Variants in DACH2 observed in about 807,000 individuals in gnomAD.
DACH2 encodes the protein dachshund family transcription factor 2, also known as dachshund homolog 2.
A neutral mutation model predicts 35.8 loss-of-function variants in DACH2; 17 were observed. The ratio of observed to expected loss-of-function variants is 0.48; its 90% CI spans 0.33 to 0.71. The LOEUF is 0.71. Among genes scored for constraint, DACH2 ranks in the 30% least tolerant of loss-of-function variants. DACH2 has a pLI of 0.02. For missense variants in DACH2, 469 were observed against 472.7 expected, an observed-to-expected ratio of 0.99 and a Z score of 0.07; for synonymous variants, 195 against 177.3, an observed-to-expected ratio of 1.10 and a Z score of -0.79.
At chrX:86,816,173 G>A in intron 11 of DACH2, 74 bp downstream of exon 11, 2 of 632,661 alleles carry the variant, frequency 3.2e-6, no homozygotes, top group East Asian at 3.9e-5. Flanking sequence ...GGATGAGGTG[G>A]GGATGAGCTT....
chrX:86,827,724 C>A lies in DACH2; in HGVS notation c.1751-4382C>A, dbSNP rs980888510. 2.6e-6 allele frequency: 3 copies of A among 1,135,545 alleles called. No homozygotes were observed. In the East Asian group the frequency reaches 9.8e-5, roughly 37 times the overall value. 93.6% of individuals were successfully genotyped at this position (1,135,545 alleles called of 1,213,427 possible). A position where few individuals can be genotyped will look rare whatever the true frequency, so the allele number is the denominator to read the frequency against. On this transcript the variant is annotated intron_variant, in intron 11 of 11. Transcript: ENST00000373125. ...GAGTAGATTTTGAATTTTCTTTGTTCGAATGAAATTTTGACCAGGTCTTAT... is the reference window on the plus strand; with the variant it reads ...GAGTAGATTTTGAATTTTCTTTGTTAGAATGAAATTTTGACCAGGTCTTAT...
At chrX:86,419,002 C>T (rs2036755695) in intron 2 of DACH2, among the ~76,000 whole-genome samples, 1 of 111,837 alleles carries the variant, frequency 8.9e-6, no homozygotes, top group African/African-American at 3.3e-5. Flanking sequence ...TTTGCTAAAA[C>T]ATAACAAGGG....
At chrX:86,824,608 T>C (rs2042545261) in intron 11 of DACH2, among the ~76,000 whole-genome samples, 2 of 112,223 alleles carry the variant, frequency 1.8e-5, no homozygotes, top group South Asian at 3.7e-4. Context: ...CTGATAAATG[T>C]CCATGAAATC....
intron 7 of DACH2, among the ~76,000 whole-genome samples, chrX:86,795,501 G>A (rs1052709049): frequency 2.7e-5 from 3 of 111,668 alleles, no homozygotes; most frequent in Non-Finnish European, 5.6e-5. Context: ...CCAAAGTGCT[G>A]GGATTACAGG....
At chrX:86,254,162 A>G (rs917208233) in intron 1 of DACH2, among the ~76,000 whole-genome samples, 3 of 111,757 alleles carry the variant, frequency 2.7e-5, no homozygotes, top group Non-Finnish European at 5.7e-5. Context: ...ATTTTAGATC[A>G]TAGGGAAATT....
At chrX:86,787,409 G>T (rs1452330708) in intron 7 of DACH2, among the ~76,000 whole-genome samples, 2 of 111,072 alleles carry the variant, frequency 1.8e-5, no homozygotes, top group Admixed American at 9.6e-5. Flanking sequence ...CACCTGAGGA[G>T]TTTGAGACCA....
chrX:86,765,262 G>T (rs747016426), intron 7 of DACH2, among the ~76,000 whole-genome samples: 1 of 111,387 alleles, frequency 9.0e-6, no homozygotes, highest in Non-Finnish European at 1.9e-5. Flanking sequence ...TGTTTATGTT[G>T]CAATTGCTTT....
intron 3 of DACH2, among the ~76,000 whole-genome samples, chrX:86,564,015 A>G (rs1236058982): frequency 9.0e-6 from 1 of 110,880 alleles, no homozygotes; most frequent in Non-Finnish European, 1.9e-5. Context: ...TACTACATCA[A>G]TATATACTTC....
chrX:86,496,095 G>A (rs761515934), intron 2 of DACH2, among the ~76,000 whole-genome samples: 28 of 110,708 alleles, frequency 2.5e-4, no homozygotes, highest in Non-Finnish European at 4.7e-4. Context: ...ATAAAGCAAG[G>A]CATATTTTAA....
intron 1 of DACH2, among the ~76,000 whole-genome samples, chrX:86,314,011 A>G (rs2034849527): frequency 9.0e-6 from 1 of 111,377 alleles, no homozygotes; most frequent in South Asian, 3.8e-4. Flanking sequence ...TTGGAGCACC[A>G]CAAACCATGC....
chrX:86,195,749 C>T (rs1339101956), intron 1 of DACH2, among the ~76,000 whole-genome samples: 6 of 111,484 alleles, frequency 5.4e-5, no homozygotes, highest in Non-Finnish European at 1.1e-4. Context: ...CAGTGGATTC[C>T]TAACCTCAAG....
intron 2 of DACH2, among the ~76,000 whole-genome samples, chrX:86,391,462 A>G (rs1209344739): frequency 9.0e-6 from 1 of 110,553 alleles, no homozygotes; most frequent in East Asian, 2.8e-4. Context: ...TATTGAATAT[A>G]AAATACTGAA....
intron 1 of DACH2, among the ~76,000 whole-genome samples, chrX:86,161,930 A>G (rs1161041339): frequency 1.8e-5 from 2 of 111,875 alleles, no homozygotes; most frequent in African/African-American, 6.5e-5. Flanking sequence ...CTTGTTTTAA[A>G]GTGAAAGCAA....
intron 1 of DACH2, among the ~76,000 whole-genome samples, chrX:86,255,919 A>G (rs1364552669): frequency 9.0e-6 from 1 of 111,184 alleles, no homozygotes; most frequent in Non-Finnish European, 1.9e-5. Flanking sequence ...TAACATGGGC[A>G]GGGTTACAAC....
chrX:86,668,140 C>G lies in DACH2; in HGVS notation c.772+16973C>G, dbSNP rs920207787. ...AAAAAATAACTTTGTCTTATTGAATCAAAATTACCTACTTGAAAGTAATCT... is the reference window on the plus strand; with the variant it reads ...AAAAAATAACTTTGTCTTATTGAATGAAAATTACCTACTTGAAAGTAATCT... On this transcript the variant is annotated intron_variant, in intron 4 of 11. Transcript: ENST00000373125. Among the ~76,000 whole-genome samples, 38 of 112,027 alleles carry G rather than the reference C, an allele frequency of 3.4e-4. 1 individual carries two copies. The highest frequency in any genetic ancestry group is 7.8e-4 in the African/African-American group (24 of 30,906).
chrX:86,750,443 A>C (rs754379001), intron 7 of DACH2, among the ~76,000 whole-genome samples: 1 of 111,879 alleles, frequency 8.9e-6, no homozygotes, highest in Non-Finnish European at 1.9e-5. Flanking sequence ...TAAAAACTTA[A>C]TATGCTTAAT....
At position 86,832,493 on chromosome X, in the gene DACH2, A is replaced by AAGTT. The variant is rs1477154143; in HGVS notation, c.*340_*343dup. On this transcript the variant is annotated 3_prime_UTR_variant, in exon 12 of 12. Coordinates refer to ENST00000373125, the MANE Select transcript of DACH2 (RefSeq NM_053281.3). ...ATGCAGTAGTGTGTTAGAGACTAGA[A>AAGTT]AGTTATATGTATGGTTTCCCTGTTC... The AAGTT allele has an allele frequency of 2.8e-5, 5 of 176,803 alleles. No individual in the cohort carries two copies. The highest frequency in any genetic ancestry group is 1.8e-4 in the South Asian group (1 of 5,407). The allele number at this position is 176,803 out of a possible 1,213,427, so 14.6% of individuals were successfully genotyped here. A position where few individuals can be genotyped will look rare whatever the true frequency, so the allele number is the denominator to read the frequency against.
At chrX:86,195,410 C>T (rs183597680) in intron 1 of DACH2, among the ~76,000 whole-genome samples, 1 of 111,488 alleles carries the variant, frequency 9.0e-6, no homozygotes, top group Non-Finnish European at 1.9e-5. Flanking sequence ...AGCACACAGA[C>T]CTATGCCCAC....
intron 2 of DACH2, among the ~76,000 whole-genome samples, chrX:86,475,359 A>G (rs181784559): frequency 1.3e-4 from 14 of 111,311 alleles, no homozygotes; most frequent in Non-Finnish European, 1.3e-4. Flanking sequence ...TGTCCTCTTC[A>G]ATTTCTTTCA....
Sources: allele counts gnomAD v4.1 joint callset (sites outside exome capture counted in the v4.1 genomes callset), GRCh38; gene constraint gnomAD v4.1.1; transcripts MANE v1.5; gene names NCBI Gene and HGNC (gene_info 2026-07-23, HGNC 2026-07-21).